The following KIF13B variants were observed in gnomAD, a reference collection of about 807,000 sequenced individuals.
KIF13B encodes kinesin family member 13B.
Under a neutral mutation model 222.0 loss-of-function variants are expected in KIF13B, and 127 were observed. The observed-to-expected ratio is 0.57, with a 90% CI of 0.50 to 0.66. The LOEUF is 0.66. Ranked by LOEUF, KIF13B falls within the 30% of genes least tolerant of loss-of-function variation. The pLI is 0.00. For synonymous variants in KIF13B, 976 were observed against 919.0 expected, an observed-to-expected ratio of 1.06 and a Z score of -1.12; for missense variants, 2,173 against 2,379.0, an observed-to-expected ratio of 0.91 and a Z score of 1.80.
At chr8:29,091,329 T>G (rs552837174) in intron 37 of KIF13B, among the ~76,000 whole-genome samples, 7 of 152,308 alleles carry the variant, frequency 4.6e-5, no homozygotes, top group Admixed American at 3.9e-4. Flanking sequence ...CATGGAAAAC[T>G]GAAAATAGCT....
intron 17 of KIF13B, 40 bp downstream of exon 17, chr8:29,147,352 C>T (rs1460555432): frequency 6.7e-7 from 1 of 1,484,882 alleles, no homozygotes; most frequent in Admixed American, 1.9e-5. Flanking sequence ...AGGTGGCAAG[C>T]CTGAGCTATA....
At chr8:29,189,184 G>A (rs1813069406) in intron 4 of KIF13B, 1 of 152,136 alleles carries the variant, frequency 6.6e-6, no homozygotes. Context: ...GTAATTGAAT[G>A]TGAATCTGAC....
chr8:29,137,574 TAC>T (rs1279094563), intron 21 of KIF13B, among the ~76,000 whole-genome samples: 2 of 152,260 alleles, frequency 1.3e-5, no homozygotes, highest in Admixed American at 1.3e-4. Context: ...GGGGGCTAAT[TAC>T]ACTCACCACG....
intron 10 of KIF13B, 72 bp downstream of exon 10, chr8:29,175,996 C>G (rs1026094013): frequency 1.2e-6 from 1 of 812,842 alleles, no homozygotes; most frequent in African/African-American, 1.7e-5. Flanking sequence ...AAGGGATTAA[C>G]AGTCTACTCT....
At chr8:29,103,985 A>G (rs1276558472) in intron 35 of KIF13B, among the ~76,000 whole-genome samples, 1 of 152,122 alleles carries the variant, frequency 6.6e-6, no homozygotes, top group Non-Finnish European at 1.5e-5. Flanking sequence ...TGCACCTGAA[A>G]TGGTCTCCCC....
chr8:29,119,698 G>A (rs1809766155), intron 29 of KIF13B, among the ~76,000 whole-genome samples: 1 of 152,108 alleles, frequency 6.6e-6, no homozygotes, highest in Non-Finnish European at 1.5e-5. Flanking sequence ...CAGAAGAACA[G>A]GCCAGAATCA....
chr8:29,258,509 T>C (rs1410851172), intron 1 of KIF13B, among the ~76,000 whole-genome samples: 1 of 152,158 alleles, frequency 6.6e-6, no homozygotes, highest in Non-Finnish European at 1.5e-5. Flanking sequence ...CCTGGCTGCT[T>C]TCAGGGCTTC....
intron 3 of KIF13B, among the ~76,000 whole-genome samples, chr8:29,193,848 C>T (rs1048328400): frequency 3.3e-5 from 5 of 152,184 alleles, no homozygotes; most frequent in Admixed American, 2.0e-4. Context: ...GACGGAGTCT[C>T]GCTCTGTCGC....
chr8:29,163,525 C>A (rs752249376), intron 12 of KIF13B, among the ~76,000 whole-genome samples: 49 of 152,236 alleles, frequency 3.2e-4, no homozygotes, highest in Non-Finnish European at 6.9e-4. Context: ...ACCATGTCAA[C>A]TGACATGTCT....
At chr8:29,241,970 A>G (rs1815802023) in intron 2 of KIF13B, among the ~76,000 whole-genome samples, 1 of 152,152 alleles carries the variant, frequency 6.6e-6, no homozygotes, top group Admixed American at 6.5e-5. Flanking sequence ...GGGAAAATGC[A>G]CTCCATTTTC....
rs369778342 is a variant in KIF13B at position 29,165,709 on chromosome 8, T to C, written c.1222A>G (p.Thr408Ala). Residue 408 changes from threonine (T) to alanine (A), a missense_variant, in exon 12 of 40, where the codon ACT (threonine) becomes GCT (alanine). Thr to Ala is a moderately conservative substitution (Grantham distance 58, BLOSUM62 0). Coordinates refer to ENST00000524189, the MANE Select transcript of KIF13B (RefSeq NM_015254.4). ...CTTAATTTCTCCTCCCAGGTCACAG[T>C]CATTTCCTGGATTAGCTTCTCAGAT... ...EESEKLIQEM[T>A]VTWEEKLRKT... The C allele has an allele frequency of 3.4e-5, 55 of 1,613,662 alleles. No individual in the cohort carries two copies. Among genetic ancestry groups the C allele is most frequent in the Non-Finnish European group, 4.4e-5 (52 of 1,179,670 alleles).
chr8:29,254,618 A>G (rs1816404749), intron 1 of KIF13B, among the ~76,000 whole-genome samples: 1 of 152,200 alleles, frequency 6.6e-6, no homozygotes, highest in Non-Finnish European at 1.5e-5. Flanking sequence ...CCTCATACCC[A>G]CTAGGATAGC....
intron 21 of KIF13B, among the ~76,000 whole-genome samples, chr8:29,135,809 T>C (rs1810527196): frequency 6.6e-6 from 1 of 152,102 alleles, no homozygotes; most frequent in South Asian, 2.1e-4. Flanking sequence ...GACACGAGAA[T>C]CGCTTCAACC....
Position 29,132,435 on chromosome 8 carries a change from TA to T in KIF13B, c.2814del (p.Phe938LeufsTer19). The T allele has an allele frequency of 6.4e-7, 1 of 1,564,800 alleles. No homozygotes were observed. Among genetic ancestry groups the T allele is most frequent in the African/African-American group, 1.4e-5 (1 of 72,688 alleles). On this transcript the variant is annotated frameshift_variant, in exon 23 of 40. Coordinates refer to ENST00000524189, the MANE Select transcript of KIF13B (RefSeq NM_015254.4). LOFTEE classifies it high-confidence loss of function. ...AATGCTCCTTCGGAAAGATGCTCGATAAAGTCTTCGGTGATGTTAACAGAAA... is the reference window on the plus strand; with the variant it reads ...AATGCTCCTTCGGAAAGATGCTCGATAAGTCTTCGGTGATGTTAACAGAAA... ...NEFSVNITED[F>X]IEHLSEGALA... is the part of the protein sequence containing the mutation.
intron 5 of KIF13B, among the ~76,000 whole-genome samples, chr8:29,186,969 CAAAAAAAAA>C (rs766708048): frequency 1.6e-4 from 11 of 68,658 alleles, no homozygotes; most frequent in African/African-American, 5.4e-4. Context: ...ACTCCATCTC[CAAAAAAAAA>C]AAAAAAAAGA....
At position 29,069,804 on chromosome 8, in the gene KIF13B, G is replaced by A. The variant is rs1400476312; in HGVS notation, c.*700C>T. Reference sequence around the variant, plus strand: ...TGAAGGGAATAAACGGCAAACATAAGAGACTTTCCAGGTGTCTAAAGATGC... The same window carrying A: ...TGAAGGGAATAAACGGCAAACATAAAAGACTTTCCAGGTGTCTAAAGATGC... On this transcript the variant is annotated 3_prime_UTR_variant, in exon 40 of 40. Coordinates refer to ENST00000524189, the MANE Select transcript of KIF13B (RefSeq NM_015254.4). The A allele has an allele frequency of 1.3e-5, 2 of 152,260 alleles. No individual in the cohort carries two copies. The highest frequency in any genetic ancestry group is 4.8e-5 in the African/African-American group (2 of 41,468). 9.4% of individuals were successfully genotyped at this position (152,260 alleles called of 1,614,324 possible). A position where few individuals can be genotyped will look rare whatever the true frequency, so the allele number is the denominator to read the frequency against.
At chr8:29,156,302 G>T (rs1048084564) in intron 13 of KIF13B, among the ~76,000 whole-genome samples, 1 of 152,082 alleles carries the variant, frequency 6.6e-6, no homozygotes, top group Non-Finnish European at 1.5e-5. Context: ...ATGAAGCCAG[G>T]CATGGTTGAA....
At chr8:29,121,788 A>C (rs1038353154) in intron 29 of KIF13B, among the ~76,000 whole-genome samples, 2 of 151,830 alleles carry the variant, frequency 1.3e-5, no homozygotes, top group African/African-American at 4.8e-5. Context: ...CATGGGAGAA[A>C]ATTTTCGCAG....
chr8:29,232,907 A>G (rs1194712487), intron 2 of KIF13B, among the ~76,000 whole-genome samples: 1 of 152,116 alleles, frequency 6.6e-6, no homozygotes, highest in African/African-American at 2.4e-5. Flanking sequence ...CTGTAATCCC[A>G]GCACTTTCGG....
Sources: allele counts gnomAD v4.1 joint callset (sites outside exome capture counted in the v4.1 genomes callset), GRCh38; gene constraint gnomAD v4.1.1; transcripts MANE v1.5; gene names NCBI Gene and HGNC (gene_info 2026-07-23, HGNC 2026-07-21).